Variants in IL12RB2 observed in about 807,000 individuals in gnomAD.
The protein encoded by IL12RB2 is interleukin-12 receptor subunit beta-2.
IL12RB2 carries 82 observed loss-of-function variants against 89.4 expected under a neutral mutation model. The ratio of observed to expected loss-of-function variants is 0.92; its 90% CI spans 0.77 to 1.10. The LOEUF (loss-of-function observed/expected upper bound fraction) is 1.10, where lower values mean the gene tolerates loss of function less well. Among genes scored for constraint, IL12RB2 ranks in the 50% least tolerant of loss-of-function variants. The pLI is 0.00. For synonymous variants in IL12RB2, 368 were observed against 370.1 expected (o/e 0.99, Z 0.07); for missense variants, 963 against 1,031.9 (o/e 0.93, Z 0.92).
At position 67,337,381 on chromosome 1, in the gene IL12RB2, T is replaced by C. The variant is rs1484162669; in HGVS notation, c.959-1243T>C. 2.6e-5 allele frequency among the ~76,000 whole-genome samples: 4 copies of C among 152,212 alleles called. 1 individual carries two copies. The South Asian group carries it at 6.2e-4, about 24-fold the overall frequency. ...TTTCTGCTGGTTCCACTCCTGGCTG[T>C]AAATCAAAACAAATCTAAGTGACTT... On this transcript the variant is annotated intron_variant, in intron 8 of 16. Transcript: ENST00000674203.
At position 67,338,336 on chromosome 1, in the gene IL12RB2, C is replaced by CAAAA. The variant is rs572505092; in HGVS notation, c.959-254_959-251dup. 1.6e-3 allele frequency among the ~76,000 whole-genome samples: 66 copies of CAAAA among 40,104 alleles called. 13 individuals are homozygous for CAAAA. Among genetic ancestry groups the CAAAA allele is most frequent in the South Asian group, 2.3e-3 (2 of 860 alleles). 26.3% of individuals were successfully genotyped at this position (40,104 alleles called of 152,430 possible). A position where few individuals can be genotyped will look rare whatever the true frequency, so the allele number is the denominator to read the frequency against. Reference sequence around the variant, plus strand: ...GAGGCAACAGAGCAAGATCCTGTCTCAAAAAAAAAAAAAAAAAAAAAAAAA... The same window carrying CAAAA: ...GAGGCAACAGAGCAAGATCCTGTCTCAAAAAAAAAAAAAAAAAAAAAAAAAAAAA... On this transcript the variant is annotated intron_variant, in intron 8 of 16. Transcript: ENST00000674203.
chr1:67,341,529 G>GGAA (rs1558317876), intron 9 of IL12RB2, among the ~76,000 whole-genome samples: 1 of 110,602 alleles, frequency 9.0e-6, no homozygotes, highest in African/African-American at 3.2e-5. Flanking sequence ...AAAAAAGAAA[G>GGAA]AGAAAGAAAG....
intron 4 of IL12RB2, among the ~76,000 whole-genome samples, chr1:67,322,817 G>A (rs1286839577): frequency 6.6e-6 from 1 of 152,216 alleles, no homozygotes; most frequent in East Asian, 1.9e-4. Context: ...TCTGCAGCAT[G>A]AGCCACAGTG....
chr1:67,333,153 C>G (rs1376674241), intron 8 of IL12RB2, among the ~76,000 whole-genome samples: 1 of 152,158 alleles, frequency 6.6e-6, no homozygotes, highest in Non-Finnish European at 1.5e-5. Context: ...TCCTTTCTGT[C>G]TCTGAATCTC....
At position 67,351,089 on chromosome 1, in the gene IL12RB2, G is replaced by A. The variant is rs2307148; in HGVS notation, c.1258G>A (p.Gly420Arg). The change falls in exon 10 of 17, where the codon GGG becomes AGG. Residue 420 changes from glycine to arginine, a missense_variant and splice_region_variant. By Grantham distance (125) the Gly-to-Arg change is moderately radical. Coordinates refer to ENST00000674203, the MANE Select transcript of IL12RB2 (RefSeq NM_001374259.2). ...RINIMNLCEA[G>R]LLAPRQVSAN... ...TAACATAATGAACCTGTGTGAGGCA[G>A]GTAAGTTCTAATTTTTCTTTAACAT... is the stretch of plus-strand genomic sequence containing the variant. 7.6e-4 allele frequency: 1,221 copies of A among 1,612,410 alleles called. 16 individuals carry two copies. In the African/African-American group the frequency reaches 0.014, roughly 18 times the overall value.
chr1:67,309,693 GA>G (rs1166944360), intron 1 of IL12RB2, among the ~76,000 whole-genome samples: 3 of 151,916 alleles, frequency 2.0e-5, no homozygotes, highest in South Asian at 2.1e-4. Context: ...GTTTTAGTGT[GA>G]AAAAAAATTC....
intron 11 of IL12RB2, among the ~76,000 whole-genome samples, chr1:67,369,262 A>G (rs905462504): frequency 6.6e-6 from 1 of 152,218 alleles, no homozygotes; most frequent in African/African-American, 2.4e-5. Flanking sequence ...GAAACCATTT[A>G]GCCTAGAAAG....
chr1:67,391,533 ACATT>A (rs1665829447), intron 16 of IL12RB2, among the ~76,000 whole-genome samples: 2 of 148,514 alleles, frequency 1.3e-5, no homozygotes, highest in Middle Eastern at 3.6e-3. Flanking sequence ...ATAATATTAT[ACATT>A]CATTATTATA....
At chr1:67,312,075 G>C (rs915844088) in intron 1 of IL12RB2, among the ~76,000 whole-genome samples, 15 of 152,176 alleles carry the variant, frequency 9.9e-5, no homozygotes, top group Admixed American at 2.0e-4. Context: ...AAGAGGTTTA[G>C]TTTTCTCAAT....
chr1:67,361,526 G>A (rs1030631517), intron 10 of IL12RB2, among the ~76,000 whole-genome samples: 5 of 152,186 alleles, frequency 3.3e-5, no homozygotes, highest in Non-Finnish European at 7.3e-5. Context: ...GAATGTCTTT[G>A]ATGGGTGATT....
chr1:67,312,726 A>C (rs1235264650), intron 1 of IL12RB2, among the ~76,000 whole-genome samples: 1 of 151,838 alleles, frequency 6.6e-6, no homozygotes, highest in Non-Finnish European at 1.5e-5. Flanking sequence ...ATTTAAAAAA[A>C]AAAAAAAAGG....
At chr1:67,338,500 GAC>G (rs1199756260) in intron 8 of IL12RB2, 122 bp from the exon 9 acceptor site, 1 of 680,426 alleles carries the variant, frequency 1.5e-6, no homozygotes, top group Non-Finnish European at 2.7e-6. Flanking sequence ...AAAATACTGG[GAC>G]ACACACAAAT....
chr1:67,348,007 C>A (rs1202783101), intron 9 of IL12RB2, among the ~76,000 whole-genome samples: 1 of 152,168 alleles, frequency 6.6e-6, no homozygotes, highest in Non-Finnish European at 1.5e-5. Flanking sequence ...AGACATAAAA[C>A]TCCTGGCTCA....
intron 2 of IL12RB2, among the ~76,000 whole-genome samples, chr1:67,320,007 A>C (rs1048169575): frequency 3.3e-5 from 5 of 152,138 alleles, no homozygotes; most frequent in Admixed American, 2.6e-4. Context: ...TGAACTTGCC[A>C]GTCCCCAGAA....
chr1:67,319,908 C>T (rs1656273687), intron 2 of IL12RB2, among the ~76,000 whole-genome samples: 1 of 152,100 alleles, frequency 6.6e-6, no homozygotes, highest in South Asian at 2.1e-4. Flanking sequence ...TCCCTTCCAC[C>T]ATGTGAGGTC....
intron 1 of IL12RB2, among the ~76,000 whole-genome samples, chr1:67,311,127 T>C (rs1046301392): frequency 2.0e-5 from 3 of 152,230 alleles, no homozygotes; most frequent in Admixed American, 2.0e-4. Flanking sequence ...AGCCAAGACT[T>C]AGGTGTCCTG....
intron 13 of IL12RB2, among the ~76,000 whole-genome samples, chr1:67,376,631 A>C (rs1405928181): frequency 6.6e-6 from 1 of 152,022 alleles, no homozygotes; most frequent in Non-Finnish European, 1.5e-5. Context: ...TGCCAACCAA[A>C]CTGCTGACAC....
intron 9 of IL12RB2, among the ~76,000 whole-genome samples, chr1:67,339,522 A>G (rs1659287788): frequency 6.6e-6 from 1 of 152,106 alleles, no homozygotes; most frequent in Non-Finnish European, 1.5e-5. Context: ...ACAAACAGGA[A>G]TAGAAAGCAG....
chr1:67,326,943 TTTTATTTATTTATTTA>T (rs549096467), intron 5 of IL12RB2, 94 bp downstream of exon 5: 6 of 696,408 alleles, frequency 8.6e-6, no homozygotes, highest in African/African-American at 2.2e-5. Flanking sequence ...TTTTATTTTA[TTTTATTTATTTATTTA>T]TTTATTTATT....
Sources: gnomAD v4.1 joint callset for allele counts (sites outside exome capture counted in the v4.1 genomes callset) on GRCh38, gnomAD v4.1.1 for gene constraint, MANE v1.5 for transcripts, NCBI Gene and HGNC (gene_info 2026-07-23, HGNC 2026-07-21) for gene names.